TRIM69: variants seen among roughly 807,000 people sequenced by gnomAD.
TRIM69 encodes the protein tripartite motif containing 69.
A neutral mutation model predicts 37.7 loss-of-function variants in TRIM69; 29 were observed. That is an observed-to-expected ratio of 0.77 (90% CI 0.57 to 1.05). The LOEUF (loss-of-function observed/expected upper bound fraction) is 1.05. Ranked by LOEUF, TRIM69 falls within the 50% of genes least tolerant of loss-of-function variation. The probability of loss-of-function intolerance (pLI) is 0.00; values close to 1 mark genes in which losing one functional copy is unlikely to be tolerated. For missense variants in TRIM69, 596 were observed against 579.9 expected (o/e 1.03, Z -0.28); for synonymous variants, 209 against 212.4 (o/e 0.98, Z 0.14).
At position 44,767,390 on chromosome 15, in the gene TRIM69, C is replaced by A; in HGVS notation, c.1121C>A (p.Thr374Asn). 3 of 1,614,100 alleles carry A rather than the reference C, an allele frequency of 1.9e-6. No homozygotes were observed. Among genetic ancestry groups the A allele is most frequent in the Non-Finnish European group, 2.5e-6 (3 of 1,180,024 alleles). ...GCTGTACTGGGCTCAAGAGGCTTCA[C>A]CTCTGGAAAGTGGTACTGGGAAGTA... ...SVAVLGSRGF[T>N]SGKWYWEVEV... The change falls in exon 7 of 7, where the codon ACC becomes AAC. Residue 374 changes from threonine to asparagine, a missense_variant. Physicochemically the swap from Thr to Asn is moderately conservative, Grantham distance 65. Coordinates refer to ENST00000329464, the MANE Select transcript of TRIM69 (RefSeq NM_182985.5).
chr15:44,767,255 C>G lies in TRIM69; in HGVS notation c.986C>G (p.Pro329Arg). 6.2e-7 allele frequency: 1 copy of G among 1,613,734 alleles called. No individual in the cohort carries two copies. The highest frequency in any genetic ancestry group is 8.5e-7 in the Non-Finnish European group (1 of 1,179,942). ...CPGLSPLTLD[P>R]KTAHPNLVLS... ...GGCCTGTCTCCACTAACTCTGGACC[C>G]TAAAACAGCTCACCCAAATCTGGTG... The change falls in exon 7 of 7, where the codon CCT becomes CGT. Residue 329 changes from proline (P) to arginine (R), a missense_variant. Physicochemically the swap from Pro to Arg is moderately radical, Grantham distance 103. Transcript: ENST00000329464.
At chr15:44,756,200 T>A (rs2087642049) in intron 2 of TRIM69, among the ~76,000 whole-genome samples, 168 bp from the exon 3 acceptor site, 1 of 152,170 alleles carries the variant, frequency 6.6e-6, no homozygotes, top group Non-Finnish European at 1.5e-5. Flanking sequence ...CCTTTTCTTT[T>A]CTTTTTCACA....
In TRIM69 at chr15:44,738,803, C is replaced by T. The variant is rs563211186; in HGVS notation, c.6+2093C>T. 2.0e-5 allele frequency among the ~76,000 whole-genome samples: 3 copies of T among 152,160 alleles called. No individual in the cohort carries two copies. In the South Asian group the frequency reaches 6.2e-4, roughly 32 times the overall value. On this transcript the variant is annotated intron_variant, in intron 1 of 6. Transcript: ENST00000329464. Reference sequence around the variant, plus strand: ...TTCCTTAAAATATGTAGTAATAATACGTATTTCATAGGGTTGTTCTGAGAT... The same window carrying T: ...TTCCTTAAAATATGTAGTAATAATATGTATTTCATAGGGTTGTTCTGAGAT...
chr15:44,753,186 T>C (rs931652076), intron 1 of TRIM69: 2 of 152,198 alleles, frequency 1.3e-5, no homozygotes, highest in Non-Finnish European at 2.9e-5. Flanking sequence ...CTAGAGCAGA[T>C]CTACTAGCAT....
chr15:44,744,739 G>A (rs1252978663), intron 1 of TRIM69, among the ~76,000 whole-genome samples: 1 of 152,068 alleles, frequency 6.6e-6, no homozygotes, highest in African/African-American at 2.4e-5. Context: ...GAGCAGCATG[G>A]ACCTTATTCC....
intron 3 of TRIM69, chr15:44,756,810 G>A (rs1207797782): frequency 5.4e-6 from 1 of 185,364 alleles, no homozygotes; most frequent in Non-Finnish European, 1.1e-5. Context: ...ACTAAAGATT[G>A]CTATGTCCAA....
At chr15:44,743,958 A>G (rs2087348225) in intron 1 of TRIM69, among the ~76,000 whole-genome samples, 2 of 152,196 alleles carry the variant, frequency 1.3e-5, no homozygotes, top group South Asian at 4.1e-4. Context: ...ATTACAGGGT[A>G]TATACCCAAA....
intron 3 of TRIM69, 83 bp downstream of exon 3, chr15:44,756,546 A>T: frequency 1.1e-6 from 1 of 902,664 alleles, no homozygotes; most frequent in Non-Finnish European, 1.7e-6. Flanking sequence ...AAAGGTGCCT[A>T]ACATATATTA....
intron 6 of TRIM69, among the ~76,000 whole-genome samples, chr15:44,765,632 T>G (rs1020386378): frequency 1.8e-5 from 2 of 113,780 alleles, no homozygotes; most frequent in African/African-American, 6.9e-5. Flanking sequence ...TGCATGCCTG[T>G]AATCCTAGCT....
intron 6 of TRIM69, among the ~76,000 whole-genome samples, chr15:44,765,456 T>C (rs957716774): frequency 6.6e-5 from 10 of 152,188 alleles, no homozygotes; most frequent in African/African-American, 2.4e-4. Flanking sequence ...TCAAGATTCT[T>C]AATTCTTCAA....
intron 1 of TRIM69, 67 bp from the exon 2 acceptor site, chr15:44,754,833 C>T: frequency 8.4e-7 from 1 of 1,194,660 alleles, no homozygotes; most frequent in Non-Finnish European, 1.2e-6. Flanking sequence ...GGAATGGCGC[C>T]ATCATCCTGG....
intron 4 of TRIM69, among the ~76,000 whole-genome samples, chr15:44,759,265 C>G (rs1475672788): frequency 6.6e-6 from 1 of 152,174 alleles, no homozygotes; most frequent in Non-Finnish European, 1.5e-5. Flanking sequence ...TCTAAAGAAG[C>G]GTTGGTTACC....
rs200649837 is a variant in TRIM69, at chr15:44,767,626, C to A, written c.1357C>A (p.Gln453Lys). 3 of 1,614,026 alleles carry A rather than the reference C, an allele frequency of 1.9e-6. No homozygotes were observed. The highest frequency in any genetic ancestry group is 3.3e-5 in the Admixed American group (2 of 60,002). The change falls in exon 7 of 7, where the codon CAG (glutamine) becomes AAG (lysine). Residue 453 changes from glutamine (Q) to lysine (K), a missense_variant. Coordinates refer to ENST00000329464, the MANE Select transcript of TRIM69 (RefSeq NM_182985.5). ...CATATACCTGGATTATGAAGGAGGA[C>A]AGTTGTCCTTCTACAATGCTAAAAC... ...VGIYLDYEGG[Q>K]LSFYNAKTMT...
intron 6 of TRIM69, among the ~76,000 whole-genome samples, chr15:44,766,736 T>G (rs2087894575): frequency 6.6e-6 from 1 of 151,954 alleles, no homozygotes; most frequent in African/African-American, 2.4e-5. Context: ...GTCTAGAATA[T>G]AGTAACATGG....
intron 1 of TRIM69, among the ~76,000 whole-genome samples, chr15:44,748,976 G>T (rs1022681373): frequency 6.6e-6 from 1 of 151,736 alleles, no homozygotes; most frequent in Middle Eastern, 3.2e-3. Flanking sequence ...AACAGTCCAG[G>T]TTCAAGCGAT....
At chr15:44,762,456 AC>A (rs1377322774) in intron 6 of TRIM69, among the ~76,000 whole-genome samples, 1 of 151,622 alleles carries the variant, frequency 6.6e-6, no homozygotes, top group African/African-American at 2.4e-5. Context: ...TTTTTTACCA[AC>A]CCCTTTTCTC....
chr15:44,737,843 G>T (rs2087192905), intron 1 of TRIM69, among the ~76,000 whole-genome samples: 1 of 152,084 alleles, frequency 6.6e-6, no homozygotes, highest in African/African-American at 2.4e-5. Context: ...AGGAATAAAG[G>T]TTGAAAAGCA....
At chr15:44,758,303 G>A (rs2141142144) in intron 3 of TRIM69, 1 of 379,580 alleles carries the variant, frequency 2.6e-6, no homozygotes, top group East Asian at 5.4e-5. Flanking sequence ...CAATCTAGGA[G>A]GGTATTATCT....
chr15:44,763,334 G>C (rs975740646), intron 6 of TRIM69, among the ~76,000 whole-genome samples: 1 of 152,194 alleles, frequency 6.6e-6, no homozygotes, highest in Non-Finnish European at 1.5e-5. Flanking sequence ...TTAATTGGGA[G>C]AGGAAGACAG....
Sources: gnomAD v4.1 joint callset for allele counts (sites outside exome capture counted in the v4.1 genomes callset) on GRCh38, gnomAD v4.1.1 for gene constraint, MANE v1.5 for transcripts, NCBI Gene and HGNC (gene_info 2026-07-23, HGNC 2026-07-21) for gene names.